Variants in DPH6 observed in about 807,000 individuals in gnomAD.
The protein encoded by DPH6 is diphthine--ammonia ligase.
DPH6 carries 33 observed loss-of-function variants against 38.2 expected under a neutral mutation model. The observed-to-expected ratio is 0.86, with a 90% CI of 0.65 to 1.15. The LOEUF (loss-of-function observed/expected upper bound fraction) is 1.15, where lower values mean the gene tolerates loss of function less well. Among genes scored for constraint, DPH6 ranks in the 50% most tolerant of loss-of-function variants. The pLI is 0.00. For synonymous variants in DPH6, 108 were observed against 103.0 expected (o/e 1.05, Z -0.30); for missense variants, 325 against 320.0 (o/e 1.02, Z -0.12).
intron 3 of DPH6, among the ~76,000 whole-genome samples, chr15:35,491,697 A>G (rs2054481633): frequency 7.8e-6 from 1 of 128,306 alleles, no homozygotes; most frequent in South Asian, 3.1e-4. Flanking sequence ...ATATACACAC[A>G]TATAAATATC....
intron 3 of DPH6, among the ~76,000 whole-genome samples, chr15:35,337,189 C>T (rs1359391024): frequency 2.0e-5 from 3 of 152,074 alleles, no homozygotes; most frequent in Non-Finnish European, 1.5e-5. Context: ...GTGTATGTGT[C>T]CAGGAATTTA....
At chr15:35,217,301 C>CATAG (rs1449410177), downstream of DPH6, 3 of 152,118 alleles carry the variant, frequency 2.0e-5, no homozygotes, top group Non-Finnish European at 4.4e-5. Flanking sequence ...TATCCAATCT[C>CATAG]CTATGTCAGC....
At chr15:35,352,395 A>G (rs1280066770) in intron 3 of DPH6, among the ~76,000 whole-genome samples, 2 of 152,052 alleles carry the variant, frequency 1.3e-5, no homozygotes, top group Non-Finnish European at 2.9e-5. Context: ...TCGACCTTTA[A>G]CATTAGGTAT....
intron 5 of DPH6, among the ~76,000 whole-genome samples, chr15:35,420,240 T>C (rs563795372): frequency 5.9e-5 from 9 of 152,000 alleles, no homozygotes; most frequent in Non-Finnish European, 1.2e-4. Flanking sequence ...TTAAAAAACA[T>C]CTTGAGACAA....
At chr15:35,502,223 C>G (rs1480794685) in intron 3 of DPH6, among the ~76,000 whole-genome samples, 1 of 151,836 alleles carries the variant, frequency 6.6e-6, no homozygotes, top group East Asian at 1.9e-4. Flanking sequence ...AAATGAAGTA[C>G]TCTGAGTTGA....
intron 3 of DPH6, among the ~76,000 whole-genome samples, chr15:35,242,618 C>T (rs1289742989): frequency 7.0e-6 from 1 of 143,060 alleles, no homozygotes; most frequent in African/African-American, 2.5e-5. Context: ...CAGTGACAGA[C>T]TAATGGTCTA....
chr15:35,192,863 C>G, the DPH6 span, among the ~76,000 whole-genome samples: 19 of 152,064 alleles, frequency 1.2e-4, no homozygotes, highest in Non-Finnish European at 2.6e-4. Flanking sequence ...ATGCCAAGAA[C>G]CTATGTGATG....
chr15:35,487,008 G>C (rs140458444), intron 3 of DPH6, among the ~76,000 whole-genome samples: 260 of 152,290 alleles, frequency 1.7e-3, no homozygotes, highest in African/African-American at 6.0e-3. Context: ...ATTAAATCTT[G>C]AAACTCCAAA....
At chr15:35,160,417 C>T in the DPH6 span, among the ~76,000 whole-genome samples, 3 of 151,846 alleles carry the variant, frequency 2.0e-5, no homozygotes, top group Non-Finnish European at 2.9e-5. Context: ...CTAGCTATAT[C>T]CAATAGTTGG....
At chr15:35,163,888 G>C in the DPH6 span, among the ~76,000 whole-genome samples, 2 of 151,838 alleles carry the variant, frequency 1.3e-5, no homozygotes, top group Non-Finnish European at 2.9e-5. Context: ...CTAGGGAACA[G>C]AGGGTCTACA....
chr15:35,521,561 T>C (rs2054923337), intron 3 of DPH6: 13 of 1,225,678 alleles, frequency 1.1e-5, no homozygotes, highest in Admixed American at 4.2e-5. Context: ...GAAAGTGTCA[T>C]GAACTGTGAG....
At chr15:35,312,861 C>T (rs1417740867) in intron 3 of DPH6, among the ~76,000 whole-genome samples, 1 of 152,052 alleles carries the variant, frequency 6.6e-6, no homozygotes, top group East Asian at 1.9e-4. Context: ...GGTTCTCTAG[C>T]TTATTCCATT....
intron 3 of DPH6, among the ~76,000 whole-genome samples, chr15:35,495,575 T>A (rs1265828063): frequency 1.9e-4 from 29 of 152,046 alleles, no homozygotes. Context: ...CAAAATATTA[T>A]ACAAAGGAAA....
the DPH6 span, among the ~76,000 whole-genome samples, chr15:35,206,122 G>A: frequency 6.6e-6 from 1 of 152,022 alleles, no homozygotes; most frequent in African/African-American, 2.4e-5. Flanking sequence ...ATAAGGCATG[G>A]CTATATGCTT....
At chr15:35,227,740 T>C (rs961228171) in intron 3 of DPH6, among the ~76,000 whole-genome samples, 1 of 152,070 alleles carries the variant, frequency 6.6e-6, no homozygotes, top group African/African-American at 2.4e-5. Flanking sequence ...TTTTCATCTT[T>C]TTTTTGATGT....
the DPH6 span, among the ~76,000 whole-genome samples, chr15:35,160,506 T>C: frequency 6.6e-6 from 1 of 151,950 alleles, no homozygotes; most frequent in Admixed American, 6.6e-5. Flanking sequence ...GTAAATTGCA[T>C]GTTGCTGGGG....
intron 3 of DPH6, among the ~76,000 whole-genome samples, chr15:35,535,645 C>T (rs1044512973): frequency 2.0e-5 from 3 of 151,798 alleles, no homozygotes; most frequent in Admixed American, 2.0e-4. Flanking sequence ...ATACAGTTAT[C>T]CATTAAACTA....
chr15:35,458,705 T>C (rs1458584307), intron 3 of DPH6, among the ~76,000 whole-genome samples: 3 of 152,144 alleles, frequency 2.0e-5, no homozygotes, highest in Non-Finnish European at 4.4e-5. Context: ...ATAGCTGAAA[T>C]AAAACCAAGT....
chr15:35,228,507 T>C (rs1036687768), intron 3 of DPH6, among the ~76,000 whole-genome samples: 6 of 152,208 alleles, frequency 3.9e-5, no homozygotes, highest in African/African-American at 9.6e-5. Context: ...CAGCTCACCA[T>C]AGCCTTGACC....
Sources: allele counts gnomAD v4.1 joint callset (sites outside exome capture counted in the v4.1 genomes callset), GRCh38; gene constraint gnomAD v4.1.1; transcripts MANE v1.5; gene names NCBI Gene and HGNC (gene_info 2026-07-23, HGNC 2026-07-21).